SHROOM2: variants seen among roughly 807,000 people sequenced by gnomAD.
SHROOM2 encodes shroom family member 2.
SHROOM2 carries 33 observed loss-of-function variants against 75.9 expected under a neutral mutation model. The ratio of observed to expected loss-of-function variants is 0.43; its 90% CI spans 0.33 to 0.58. The LOEUF (loss-of-function observed/expected upper bound fraction) is 0.58. Among genes scored for constraint, SHROOM2 ranks in the 20% least tolerant of loss-of-function variants. The probability of loss-of-function intolerance (pLI) is 0.04; values close to 1 mark genes in which losing one functional copy is unlikely to be tolerated. For synonymous variants in SHROOM2, 655 were observed against 663.6 expected (o/e 0.99, Z 0.20); for missense variants, 1,434 against 1,461.2 (o/e 0.98, Z 0.30).
chrX:9,818,517 T>A (rs917295071), intron 1 of SHROOM2: 9 of 280,326 alleles, frequency 3.2e-5, no homozygotes, highest in Non-Finnish European at 6.1e-5. Flanking sequence ...TCCTTCAAGA[T>A]ATTTGGAATC....
chrX:9,813,037 C>T (rs1486424169), intron 1 of SHROOM2, among the ~76,000 whole-genome samples: 7 of 112,193 alleles, frequency 6.2e-5, no homozygotes, highest in East Asian at 5.6e-4. Flanking sequence ...GAGAGTTGAA[C>T]GGGGATGTGG....
intron 5 of SHROOM2, among the ~76,000 whole-genome samples, chrX:9,929,449 C>T (rs1359958491): frequency 9.0e-6 from 1 of 110,944 alleles, no homozygotes; most frequent in East Asian, 2.8e-4. Flanking sequence ...GTTTGGCCCT[C>T]TAGGAAGATG....
intron 1 of SHROOM2, among the ~76,000 whole-genome samples, chrX:9,852,785 T>G (rs542184592): frequency 3.6e-5 from 4 of 112,667 alleles, no homozygotes; most frequent in Admixed American, 2.8e-4. Context: ...AGGATTGAAC[T>G]GATCATTTTA....
chrX:9,870,083 G>A (rs1165261826), intron 1 of SHROOM2, among the ~76,000 whole-genome samples: 1 of 111,471 alleles, frequency 9.0e-6, no homozygotes, highest in Non-Finnish European at 1.9e-5. Context: ...AAAATTAGCT[G>A]GGTGTGGTGG....
At chrX:9,929,806 G>T (rs2084630193) in intron 5 of SHROOM2, among the ~76,000 whole-genome samples, 1 of 111,916 alleles carries the variant, frequency 8.9e-6, no homozygotes, top group South Asian at 3.8e-4. Flanking sequence ...GAATTCCCAC[G>T]TGTTGTGGGA....
At chrX:9,944,006 A>AC (rs1283661932) in intron 8 of SHROOM2, among the ~76,000 whole-genome samples, 1 of 110,544 alleles carries the variant, frequency 9.0e-6, no homozygotes, top group African/African-American at 3.3e-5. Flanking sequence ...ACATGGTGAA[A>AC]CCCCATCTCT....
chrX:9,786,508 T>C lies in SHROOM2; in HGVS notation c.-38T>C. ...ATCCCACGGCCGGGACTGCCCGGAG[T>C]GCATGGGCGCGGGCCAGGGACGCTG... On this transcript the variant is annotated 5_prime_UTR_variant, in exon 1 of 10. Coordinates refer to ENST00000380913, the MANE Select transcript of SHROOM2 (RefSeq NM_001649.4). The C allele has an allele frequency of 1.2e-6, 1 of 840,797 alleles. No individual in the cohort carries two copies. Among genetic ancestry groups the C allele is most frequent in the Non-Finnish European group, 1.4e-6 (1 of 692,887 alleles). The allele number at this position is 840,797 out of a possible 1,213,427, so 69.3% of individuals were successfully genotyped here.
intron 1 of SHROOM2, among the ~76,000 whole-genome samples, chrX:9,842,469 T>C (rs1435005725): frequency 8.9e-6 from 1 of 112,259 alleles, no homozygotes; most frequent in Admixed American, 9.4e-5. Context: ...TGCCCTGGTG[T>C]CCTTGGGAGG....
At chrX:9,868,235 TTTTTATTTTA>T in intron 1 of SHROOM2, among the ~76,000 whole-genome samples, 1 of 104,540 alleles carries the variant, frequency 9.6e-6, no homozygotes, top group Non-Finnish European at 1.9e-5. Context: ...TTTATTTTTA[TTTTTATTTTA>T]TTTATTTATT....
rs182542735 is a variant in SHROOM2, at chrX:9,932,925, G to T, written c.3587+55G>T. ...ATGAGGCTCCTAATGTGGGACGCGGGTTCTCAGTGGGTCTTTCTGGGGAGT... is the reference window on the plus strand; with the variant it reads ...ATGAGGCTCCTAATGTGGGACGCGGTTTCTCAGTGGGTCTTTCTGGGGAGT... On this transcript the variant is annotated intron_variant, in intron 6 of 9. Transcript: ENST00000380913. 9.4e-5 allele frequency: 97 copies of T among 1,030,452 alleles called. No homozygotes were observed. The East Asian group carries it at 3.0e-3, about 32-fold the overall frequency. The allele number at this position is 1,030,452 out of a possible 1,213,427, so 84.9% of individuals were successfully genotyped here. A position where few individuals can be genotyped will look rare whatever the true frequency, so the allele number is the denominator to read the frequency against.
At position 9,894,525 on chromosome X, in the gene SHROOM2, G is replaced by T. The variant is rs760836533; in HGVS notation, c.617G>T (p.Arg206Leu). ...SIDHLGSHSK[R>L]DSAYGSFSTS... The stretch of plus-strand genomic sequence containing the variant: ...GACCACCTGGGCAGCCACAGCAAGC[G>T]CGACTCGGCCTACGGCTCCTTCTCC... Residue 206 changes from arginine to leucine, a missense_variant, in exon 4 of 10, where the codon CGC (arginine) becomes CTC (leucine). Transcript: ENST00000380913. 8 of 1,209,157 alleles carry T rather than the reference G, an allele frequency of 6.6e-6. No individual in the cohort carries two copies. The highest frequency in any genetic ancestry group is 8.9e-6 in the Non-Finnish European group (8 of 895,026).
chrX:9,835,365 C>G (rs984409451), intron 1 of SHROOM2, among the ~76,000 whole-genome samples: 13 of 112,314 alleles, frequency 1.2e-4, no homozygotes, highest in Middle Eastern at 9.2e-3. Context: ...TGTTTCGAGC[C>G]TTGCTGTTCT....
chrX:9,923,938 G>A (rs2084570722), intron 5 of SHROOM2, among the ~76,000 whole-genome samples: 1 of 112,034 alleles, frequency 8.9e-6, no homozygotes, highest in Non-Finnish European at 1.9e-5. Flanking sequence ...ATTACTCTTT[G>A]CCATCCAAGT....
Position 9,786,652 on chromosome X carries a change from C to T in SHROOM2, c.107C>T (p.Pro36Leu), listed in dbSNP as rs1394725091. Residue 36 changes from proline (P) to leucine (L), a missense_variant, in exon 1 of 10, where the codon CCG becomes CTG. Transcript: ENST00000380913. ...LVEVQLSGGA[P>L]WGFTLKGGRE... Reference sequence around the variant, plus strand: ...GAGGTGCAGCTGAGCGGCGGCGCCCCGTGGGGCTTCACCCTGAAGGGCGGC... The same window carrying T: ...GAGGTGCAGCTGAGCGGCGGCGCCCTGTGGGGCTTCACCCTGAAGGGCGGC... 2.3e-6 allele frequency: 2 copies of T among 887,601 alleles called. No homozygotes were observed. The highest frequency in any genetic ancestry group is 2.1e-5 in the African/African-American group (1 of 47,408). The allele number at this position is 887,601 out of a possible 1,213,427, so 73.1% of individuals were successfully genotyped here. A position where few individuals can be genotyped will look rare whatever the true frequency, so the allele number is the denominator to read the frequency against.
chrX:9,880,365 A>G (rs745981832), intron 2 of SHROOM2, among the ~76,000 whole-genome samples: 4 of 113,022 alleles, frequency 3.5e-5, no homozygotes, highest in Non-Finnish European at 5.6e-5. Flanking sequence ...CATGGAGCAC[A>G]CTGAGCGGGT....
intron 1 of SHROOM2, among the ~76,000 whole-genome samples, chrX:9,859,591 G>A (rs2084091913): frequency 9.0e-6 from 1 of 111,463 alleles, no homozygotes; most frequent in South Asian, 3.8e-4. Context: ...GAATGTGGGC[G>A]AGCTGGGCAG....
intron 1 of SHROOM2, chrX:9,819,153 ATTG>A: frequency 8.5e-7 from 1 of 1,180,875 alleles, no homozygotes; most frequent in Non-Finnish European, 1.1e-6. Context: ...AGAATTACCT[ATTG>A]TTTGCTGCTT....
At chrX:9,823,756 C>CT (rs1293537759) in intron 1 of SHROOM2, among the ~76,000 whole-genome samples, 40,439 of 85,049 alleles carry the variant, frequency 0.48, 9,401 homozygotes, top group East Asian at 0.75. Flanking sequence ...TTTCTTTTTT[C>CT]TTTTTTCTTT....
intron 1 of SHROOM2, among the ~76,000 whole-genome samples, chrX:9,794,365 C>A: frequency 9.0e-6 from 1 of 111,494 alleles, no homozygotes; most frequent in East Asian, 2.8e-4. Flanking sequence ...CTTCTCTTCT[C>A]TTCTCTTCTT....
Sources: allele counts gnomAD v4.1 joint callset (sites outside exome capture counted in the v4.1 genomes callset), GRCh38; gene constraint gnomAD v4.1.1; transcripts MANE v1.5; gene names NCBI Gene and HGNC (gene_info 2026-07-23, HGNC 2026-07-21).